The following PRELID2 variants were observed in gnomAD, a reference collection of about 807,000 sequenced individuals.
PRELID2 encodes the protein PRELI domain containing 2.
In PRELID2, 25 loss-of-function variants were observed where a neutral mutation model predicts 28.4. That is an observed-to-expected ratio of 0.88 (90% CI 0.64 to 1.23). PRELID2 has a LOEUF of 1.23. Ranked by LOEUF, PRELID2 falls within the 50% of genes most tolerant of loss-of-function variation. PRELID2 has a pLI of 0.00. For synonymous variants in PRELID2, 76 were observed against 71.6 expected (o/e 1.06, Z -0.31); for missense variants, 201 against 214.4 (o/e 0.94, Z 0.39).
At chr5:145,354,969 C>A in the PRELID2 span, among the ~76,000 whole-genome samples, 1 of 151,986 alleles carries the variant, frequency 6.6e-6, no homozygotes, top group Non-Finnish European at 1.5e-5. Flanking sequence ...CTATTAAAGA[C>A]CAAACAAAAT....
intron 1 of PRELID2, among the ~76,000 whole-genome samples, chr5:145,518,449 C>G (rs1376086488): frequency 6.6e-6 from 1 of 152,136 alleles, no homozygotes; most frequent in Non-Finnish European, 1.5e-5. Context: ...CCTCCCACCT[C>G]GGCCTCCCAA....
chr5:145,462,385 T>C, the PRELID2 span, among the ~76,000 whole-genome samples: 6 of 152,214 alleles, frequency 3.9e-5, no homozygotes, highest in Non-Finnish European at 7.3e-5. Flanking sequence ...TCAATCATTG[T>C]TCAGTAAGAG....
At chr5:145,384,969 C>CAAATACACAAACTATATCATAATAGA in the PRELID2 span, among the ~76,000 whole-genome samples, 1 of 152,022 alleles carries the variant, frequency 6.6e-6, no homozygotes, top group South Asian at 2.1e-4. Context: ...TGGGTGGGGA[C>CAAATACACAAACTATATCATAATAGA]AAATACACAA....
At chr5:145,817,199 ATAAAT>A (rs1192161751) in intron 4 of PRELID2, among the ~76,000 whole-genome samples, 5,022 of 83,152 alleles carry the variant, frequency 0.06, 355 homozygotes, top group Non-Finnish European at 0.07. Flanking sequence ...TCAAAAAAAA[ATAAAT>A]AAATAAATAA....
At chr5:145,401,634 C>G in the PRELID2 span, among the ~76,000 whole-genome samples, 1 of 152,140 alleles carries the variant, frequency 6.6e-6, no homozygotes, top group Admixed American at 6.6e-5. Flanking sequence ...TCATATATAT[C>G]CTCCACCTCC....
chr5:145,668,679 A>T (rs1196600701), intron 1 of PRELID2, among the ~76,000 whole-genome samples: 2 of 152,136 alleles, frequency 1.3e-5, no homozygotes, highest in Admixed American at 6.6e-5. Flanking sequence ...TCAATGGAAC[A>T]AGTATAACTA....
At chr5:145,598,608 A>C (rs1275103207) in intron 1 of PRELID2, among the ~76,000 whole-genome samples, 1 of 152,106 alleles carries the variant, frequency 6.6e-6, no homozygotes, top group East Asian at 1.9e-4. Context: ...CTCATTCAGC[A>C]CTCCTCACTG....
intron 1 of PRELID2, among the ~76,000 whole-genome samples, chr5:145,718,035 T>A (rs966368625): frequency 6.6e-6 from 1 of 152,148 alleles, no homozygotes. Flanking sequence ...TAATTGAAGT[T>A]CGTGGAAAGC....
intron 1 of PRELID2, chr5:145,729,189 A>T: frequency 1.4e-6 from 1 of 704,834 alleles, no homozygotes; most frequent in Non-Finnish European, 2.5e-6. Context: ...TGTATCAGTG[A>T]TGCTCTGGGT....
At chr5:145,808,092 T>G (rs968036094) in intron 4 of PRELID2, among the ~76,000 whole-genome samples, 4 of 152,146 alleles carry the variant, frequency 2.6e-5, no homozygotes, top group Admixed American at 2.6e-4. Context: ...GATTATCCAC[T>G]GGTGCACTGG....
At chr5:145,469,535 T>C (rs1752032827), downstream of PRELID2, among the ~76,000 whole-genome samples, 3 of 152,148 alleles carry the variant, frequency 2.0e-5, no homozygotes, top group Middle Eastern at 3.4e-3. Flanking sequence ...GGTTAACAGA[T>C]GCCATGATCC....
At chr5:145,799,930 A>G (rs917985751) in intron 4 of PRELID2, among the ~76,000 whole-genome samples, 3 of 152,158 alleles carry the variant, frequency 2.0e-5, no homozygotes, top group Non-Finnish European at 2.9e-5. Flanking sequence ...TAGTGCTTAC[A>G]CTGAATGAGT....
the PRELID2 span, among the ~76,000 whole-genome samples, chr5:145,256,771 AAAG>A: frequency 6.6e-6 from 1 of 152,042 alleles, no homozygotes; most frequent in Non-Finnish European, 1.5e-5. Context: ...TGTGTGGAAA[AAAG>A]AAGAATGTCA....
chr5:145,765,124 GCT>G (rs1757669576), intron 5 of PRELID2, 124 bp from the exon 6 acceptor site: 2 of 636,806 alleles, frequency 3.1e-6, no homozygotes, highest in African/African-American at 3.7e-5. Flanking sequence ...AACAAAGTAG[GCT>G]CATAGCCATA....
chr5:145,531,955 A>G (rs1752657824), intron 1 of PRELID2, among the ~76,000 whole-genome samples: 1 of 152,174 alleles, frequency 6.6e-6, no homozygotes, highest in Admixed American at 6.5e-5. Context: ...GTTTGCTCCT[A>G]AGTAAAATGG....
intron 2 of PRELID2, among the ~76,000 whole-genome samples, chr5:145,472,851 T>G (rs1222680520): frequency 6.6e-6 from 1 of 152,194 alleles, no homozygotes; most frequent in Admixed American, 6.6e-5. Context: ...TCTGGTCTGA[T>G]AAGTATAGAG....
the PRELID2 span, among the ~76,000 whole-genome samples, chr5:145,308,622 ATT>A: frequency 4.1e-5 from 6 of 146,958 alleles, no homozygotes; most frequent in Admixed American, 1.4e-4. Context: ...GTTAGAGTGT[ATT>A]TTTTTTTTTG....
intron 1 of PRELID2, among the ~76,000 whole-genome samples, chr5:145,712,589 A>C (rs1755724220): frequency 6.6e-6 from 1 of 152,232 alleles, no homozygotes; most frequent in South Asian, 2.1e-4. Context: ...AATAGCATTT[A>C]TTTCAGCTGC....
the PRELID2 span, among the ~76,000 whole-genome samples, chr5:145,450,107 G>T: frequency 6.6e-6 from 1 of 152,142 alleles, no homozygotes; most frequent in African/African-American, 2.4e-5. Context: ...AAAAGAACAT[G>T]GAAACCTAAT....
Sources: gnomAD v4.1 joint callset for allele counts (sites outside exome capture counted in the v4.1 genomes callset) on GRCh38, gnomAD v4.1.1 for gene constraint, MANE v1.5 for transcripts, NCBI Gene and HGNC (gene_info 2026-07-23, HGNC 2026-07-21) for gene names.